The following NIM1K variants were observed in gnomAD, a reference collection of about 807,000 sequenced individuals.
The protein encoded by NIM1K is NIM1 serine/threonine protein kinase, also known as serine/threonine-protein kinase NIM1.
In NIM1K, 35 loss-of-function variants were observed where a neutral mutation model predicts 37.1. The ratio of observed to expected loss-of-function variants is 0.94; its 90% CI spans 0.72 to 1.25. The LOEUF is 1.25. Ranked by LOEUF, NIM1K falls within the 50% of genes most tolerant of loss-of-function variation. NIM1K has a pLI of 0.00. For missense variants in NIM1K, 564 were observed against 548.0 expected, an observed-to-expected ratio of 1.03 and a Z score of -0.29; for synonymous variants, 234 against 206.6, an observed-to-expected ratio of 1.13 and a Z score of -1.14.
chr5:43,263,937 G>C (rs1472761270), intron 2 of NIM1K, among the ~76,000 whole-genome samples: 1 of 152,176 alleles, frequency 6.6e-6, no homozygotes, highest in Non-Finnish European at 1.5e-5. Context: ...GGTTTTGAGT[G>C]AGTTTCTTAA....
At chr5:43,264,365 C>T (rs1394154222) in intron 2 of NIM1K, among the ~76,000 whole-genome samples, 1 of 152,170 alleles carries the variant, frequency 6.6e-6, no homozygotes, top group Non-Finnish European at 1.5e-5. Context: ...GATCCCTTTA[C>T]CATTATGTAA....
chr5:43,248,968 A>T (rs967641827), intron 2 of NIM1K, among the ~76,000 whole-genome samples: 1 of 151,866 alleles, frequency 6.6e-6, no homozygotes, highest in Admixed American at 6.6e-5. Flanking sequence ...TCCGCCTCCC[A>T]GGTTCAAGTG....
At position 43,280,841 on chromosome 5, in the gene NIM1K, G is replaced by C; in HGVS notation, c.*112G>C. 8 of 1,028,470 alleles carry C rather than the reference G, an allele frequency of 7.8e-6. No individual in the cohort carries two copies. The highest frequency in any genetic ancestry group is 1.6e-5 in the African/African-American group (1 of 61,736). 63.7% of individuals were successfully genotyped at this position (1,028,470 alleles called of 1,614,324 possible). Reference sequence around the variant, plus strand: ...GTAATTTTTAAATAAACTTAAATTTGAGATATGCATTTTTTTTCTCCAAAA... The same window carrying C: ...GTAATTTTTAAATAAACTTAAATTTCAGATATGCATTTTTTTTCTCCAAAA... On this transcript the variant is annotated 3_prime_UTR_variant, in exon 4 of 4. Transcript: ENST00000326035.
intron 1 of NIM1K, among the ~76,000 whole-genome samples, chr5:43,236,065 G>T (rs1000239168): frequency 3.9e-5 from 6 of 152,026 alleles, no homozygotes; most frequent in Non-Finnish European, 8.8e-5. Context: ...ACTCGAGACC[G>T]GGAGTTGCAG....
Position 43,280,076 on chromosome 5 carries a change from G to T in NIM1K, c.658G>T (p.Val220Leu), listed in dbSNP as rs776701629. ...GGTGGGCGATTTTGGATTCAGCACA[G>T]TAAGCAAAAAAGGTGAAATGCTGAA... The part of the protein sequence containing the change: ...VKVGDFGFST[V>L]SKKGEMLNTF... The change falls in exon 4 of 4, where the codon GTA (valine) becomes TTA (leucine). Residue 220 changes from valine (V) to leucine (L), a missense_variant. By Grantham distance (32) the Val-to-Leu change is conservative. Coordinates refer to ENST00000326035, the MANE Select transcript of NIM1K (RefSeq NM_153361.4). 3 of 1,614,062 alleles carry T rather than the reference G, an allele frequency of 1.9e-6. No individual in the cohort carries two copies. Among genetic ancestry groups the T allele is most frequent in the African/African-American group, 2.7e-5 (2 of 74,932 alleles).
At chr5:43,278,013 T>TCTTTTCCTTCCTTCCTTCCTTC (rs1561097257) in intron 3 of NIM1K, among the ~76,000 whole-genome samples, 9 of 148,186 alleles carry the variant, frequency 6.1e-5, no homozygotes, top group African/African-American at 2.1e-4. Context: ...TCCCTTCCTT[T>TCTTTTCCTTCCTTCCTTCCTTC]CTTTTCCTTC....
intron 2 of NIM1K, among the ~76,000 whole-genome samples, chr5:43,276,171 G>A (rs900876564): frequency 6.6e-6 from 1 of 152,162 alleles, no homozygotes; most frequent in Non-Finnish European, 1.5e-5. Context: ...GGGATTACAG[G>A]CGTGAGCTGC....
chr5:43,192,292 A>T lies in NIM1K; in HGVS notation c.-814A>T, dbSNP rs1751844571. 6.6e-6 allele frequency: 1 copy of T among 152,490 alleles called. No individual in the cohort carries two copies. Among genetic ancestry groups the T allele is most frequent in the African/African-American group, 2.4e-5 (1 of 41,442 alleles). 9.4% of individuals were successfully genotyped at this position (152,490 alleles called of 1,614,324 possible). On this transcript the variant is annotated 5_prime_UTR_variant, in exon 1 of 4. Coordinates refer to ENST00000326035, the MANE Select transcript of NIM1K (RefSeq NM_153361.4). Reference sequence around the variant, plus strand: ...GACAGCTCCGGGAGCCTCAAGCGCGACAGCGGCGCCCTCACCTCGGGACAT... The same window carrying T: ...GACAGCTCCGGGAGCCTCAAGCGCGTCAGCGGCGCCCTCACCTCGGGACAT...
intron 2 of NIM1K, among the ~76,000 whole-genome samples, chr5:43,273,282 C>T (rs1449773842): frequency 6.6e-6 from 1 of 151,802 alleles, no homozygotes; most frequent in Non-Finnish European, 1.5e-5. Context: ...TGGCTCACTG[C>T]AACCTCTGCC....
At chr5:43,234,823 C>T (rs1224758391) in intron 1 of NIM1K, among the ~76,000 whole-genome samples, 1 of 151,946 alleles carries the variant, frequency 6.6e-6, no homozygotes, top group Non-Finnish European at 1.5e-5. Context: ...TTGGTAGAGG[C>T]AGGGTTTCAC....
chr5:43,262,880 C>T (rs1753055681), intron 2 of NIM1K, among the ~76,000 whole-genome samples: 1 of 151,934 alleles, frequency 6.6e-6, no homozygotes, highest in Non-Finnish European at 1.5e-5. Flanking sequence ...TGGTTTTTGT[C>T]TTTGGTTCTG....
chr5:43,264,061 TA>T (rs1172857613), intron 2 of NIM1K, among the ~76,000 whole-genome samples: 1 of 152,226 alleles, frequency 6.6e-6, no homozygotes, highest in Non-Finnish European at 1.5e-5. Flanking sequence ...AATTTTGGAA[TA>T]AGTGTGATGT....
chr5:43,208,974 C>T (rs1031452917), intron 1 of NIM1K, among the ~76,000 whole-genome samples: 1 of 152,202 alleles, frequency 6.6e-6, no homozygotes, highest in Non-Finnish European at 1.5e-5. Flanking sequence ...TGGGTGTGTA[C>T]ATTTCCAGAA....
chr5:43,231,857 C>T (rs1752544123), intron 1 of NIM1K: 5 of 1,219,576 alleles, frequency 4.1e-6, no homozygotes, highest in East Asian at 4.0e-5. Flanking sequence ...CAACAGAATC[C>T]ACACCAACCT....
intron 2 of NIM1K, among the ~76,000 whole-genome samples, chr5:43,251,269 T>G (rs1057258142): frequency 3.9e-5 from 6 of 152,254 alleles, no homozygotes; most frequent in African/African-American, 1.4e-4. Flanking sequence ...AAGTAATTTT[T>G]AAAACATGCT....
At chr5:43,219,148 C>T (rs765649125) in intron 1 of NIM1K, among the ~76,000 whole-genome samples, 15 of 152,118 alleles carry the variant, frequency 9.9e-5, no homozygotes, top group Non-Finnish European at 1.6e-4. Context: ...GAGGCCTCCC[C>T]AGCCCTGTGG....
Position 43,199,283 on chromosome 5 carries a change from T to A in NIM1K, c.-695+6872T>A, listed in dbSNP as rs1387604758. On this transcript the variant is annotated intron_variant, in intron 1 of 3. Coordinates refer to ENST00000326035, the MANE Select transcript of NIM1K (RefSeq NM_153361.4). ...AAATGAAATGCCATCTCTACTAAAATATATATATATATGTATAAAGTAGTT... is the reference window on the plus strand; with the variant it reads ...AAATGAAATGCCATCTCTACTAAAAAATATATATATATGTATAAAGTAGTT... Among the ~76,000 whole-genome samples, 9 of 128,482 alleles carry A rather than the reference T, an allele frequency of 7.0e-5. No individual in the cohort carries two copies. In the East Asian group the frequency reaches 1.3e-3, roughly 18 times the overall value. 84.3% of individuals were successfully genotyped at this position (128,482 alleles called of 152,430 possible). A position where few individuals can be genotyped will look rare whatever the true frequency, so the allele number is the denominator to read the frequency against.
Position 43,245,720 on chromosome 5 carries a change from C to G in NIM1K, c.-56C>G. 1 of 1,510,038 alleles carries G rather than the reference C, an allele frequency of 6.6e-7. No homozygotes were observed. Among genetic ancestry groups the G allele is most frequent in the East Asian group, 2.3e-5 (1 of 43,686 alleles). 93.5% of individuals were successfully genotyped at this position (1,510,038 alleles called of 1,614,324 possible). A position where few individuals can be genotyped will look rare whatever the true frequency, so the allele number is the denominator to read the frequency against. On this transcript the variant is annotated 5_prime_UTR_variant, in exon 2 of 4. Transcript: ENST00000326035. The stretch of plus-strand genomic sequence containing the variant: ...GCATCTCCCACCCTCTGAGCCTCTT[C>G]TGCTCCTGCACAACCTGCCTCTTCG...
At chr5:43,224,478 C>T (rs1038702152) in intron 1 of NIM1K, among the ~76,000 whole-genome samples, 6 of 151,148 alleles carry the variant, frequency 4.0e-5, no homozygotes, top group African/African-American at 1.5e-4. Flanking sequence ...TACTGTGGAA[C>T]TATAAGGTCT....
Sources: gnomAD v4.1 joint callset for allele counts (sites outside exome capture counted in the v4.1 genomes callset) on GRCh38, gnomAD v4.1.1 for gene constraint, MANE v1.5 for transcripts, NCBI Gene and HGNC (gene_info 2026-07-23, HGNC 2026-07-21) for gene names.